The following CLVS1 variants were observed in gnomAD, a reference collection of about 807,000 sequenced individuals.
CLVS1 encodes clavesin-1.
A neutral mutation model predicts 33.1 loss-of-function variants in CLVS1; 10 were observed. That is an observed-to-expected ratio of 0.30 (90% CI 0.19 to 0.51). The LOEUF is 0.51. Among genes scored for constraint, CLVS1 ranks in the 20% least tolerant of loss-of-function variants. CLVS1 has a pLI of 0.97. For missense variants in CLVS1, 343 were observed against 433.4 expected, an observed-to-expected ratio of 0.79 and a Z score of 1.85; for synonymous variants, 163 against 166.1, an observed-to-expected ratio of 0.98 and a Z score of 0.14.
At position 61,218,859 on chromosome 8, in the gene CLVS1, G is replaced by A. The variant is rs148015075; in HGVS notation, c.-151-80818G>A. ...CTAGGGAGACTGAGGCAGGATAACC[G>A]CTTGAACCCGGGAGGTGGAGGCTGT... is the stretch of plus-strand genomic sequence containing the variant. On this transcript the variant is annotated intron_variant, in intron 2 of 2. Transcript: ENST00000522621. Among the ~76,000 whole-genome samples, 269 of 151,818 alleles carry A rather than the reference G, an allele frequency of 1.8e-3. 2 individuals are homozygous for A. Among genetic ancestry groups the A allele is most frequent in the African/African-American group, 5.3e-3 (221 of 41,406 alleles).
At chr8:61,021,389 C>T in the CLVS1 span, among the ~76,000 whole-genome samples, 6 of 152,236 alleles carry the variant, frequency 3.9e-5, no homozygotes, top group East Asian at 3.9e-4. Flanking sequence ...CCCGCCCTGT[C>T]GCCCAGGCTG....
At chr8:61,416,395 GA>G (rs1563543717) in intron 3 of CLVS1, among the ~76,000 whole-genome samples, 65 of 152,144 alleles carry the variant, frequency 4.3e-4, no homozygotes, top group Middle Eastern at 6.8e-3. Context: ...AATAGGTGGG[GA>G]AAATAATGAA....
At chr8:61,492,929 A>C (rs996342776) in intron 5 of CLVS1, among the ~76,000 whole-genome samples, 3 of 152,210 alleles carry the variant, frequency 2.0e-5, no homozygotes, top group Non-Finnish European at 4.4e-5. Flanking sequence ...GCTGAACAGA[A>C]GAATACATGT....
intron 5 of CLVS1, among the ~76,000 whole-genome samples, chr8:61,468,975 C>A (rs1012659900): frequency 2.0e-5 from 3 of 152,172 alleles, no homozygotes; most frequent in Non-Finnish European, 4.4e-5. Flanking sequence ...TGTGACACAG[C>A]AGCACAGCCA....
chr8:61,339,116 A>G (rs190058075), intron 2 of CLVS1, among the ~76,000 whole-genome samples: 191 of 152,162 alleles, frequency 1.3e-3, no homozygotes, highest in African/African-American at 4.0e-3. Context: ...CCAGGGCACT[A>G]TGCCTGCAGC....
chr8:61,005,891 C>CGAGGCGGGGGA, the CLVS1 span, among the ~76,000 whole-genome samples: 1 of 152,108 alleles, frequency 6.6e-6, no homozygotes, highest in East Asian at 1.9e-4. Flanking sequence ...GCACCCCAGC[C>CGAGGCGGGGGA]GAGGCGGGGG....
the CLVS1 span, among the ~76,000 whole-genome samples, chr8:60,998,045 A>T: frequency 6.6e-6 from 1 of 152,166 alleles, no homozygotes; most frequent in South Asian, 2.1e-4. Flanking sequence ...TAAGAAAAAC[A>T]GATGCACTGA....
chr8:61,269,232 A>T (rs1247957242), intron 2 of CLVS1, among the ~76,000 whole-genome samples: 2 of 152,084 alleles, frequency 1.3e-5, no homozygotes, highest in Non-Finnish European at 2.9e-5. Context: ...AGCTTTCCAC[A>T]TATGGCTAGC....
chr8:61,358,890 T>A (rs184839856), intron 2 of CLVS1, among the ~76,000 whole-genome samples: 1 of 152,314 alleles, frequency 6.6e-6, no homozygotes, highest in East Asian at 1.9e-4. Flanking sequence ...AAATGTATAT[T>A]TTTTCTGTTT....
chr8:61,005,020 C>T, the CLVS1 span, among the ~76,000 whole-genome samples: 5 of 152,174 alleles, frequency 3.3e-5, no homozygotes, highest in African/African-American at 1.2e-4. Context: ...AATGAAATGC[C>T]ATTTCATCCC....
chr8:61,154,333 C>T (rs1188418449), intron 2 of CLVS1, among the ~76,000 whole-genome samples: 1 of 151,900 alleles, frequency 6.6e-6, no homozygotes, highest in Non-Finnish European at 1.5e-5. Flanking sequence ...CTCTATTCAG[C>T]TACAAAATCA....
chr8:61,260,376 G>T (rs964784), intron 2 of CLVS1, among the ~76,000 whole-genome samples: 103,238 of 152,170 alleles, frequency 0.68, 37,577 homozygotes, highest in East Asian at 0.97. Flanking sequence ...AAACGGATGA[G>T]TAGTGATAAA....
the CLVS1 span, among the ~76,000 whole-genome samples, chr8:61,021,824 C>T: frequency 6.6e-6 from 1 of 151,964 alleles, no homozygotes; most frequent in African/African-American, 2.4e-5. Flanking sequence ...ACCCTGTCAC[C>T]CAAGTAGTGA....
intron 1 of CLVS1, among the ~76,000 whole-genome samples, chr8:61,070,559 G>A (rs1804774188): frequency 6.6e-6 from 1 of 152,226 alleles, no homozygotes; most frequent in African/African-American, 2.4e-5. Flanking sequence ...CAGAGGCCTG[G>A]CAGGGTGTGG....
intron 5 of CLVS1, among the ~76,000 whole-genome samples, chr8:61,467,701 G>C (rs75330533): frequency 0.025 from 3,759 of 152,298 alleles, 160 homozygotes; most frequent in African/African-American, 0.086. Flanking sequence ...AGAAAGTGGG[G>C]ATTTTAGGCT....
At chr8:61,352,871 A>T (rs1336706978) in intron 2 of CLVS1, among the ~76,000 whole-genome samples, 2 of 152,086 alleles carry the variant, frequency 1.3e-5, no homozygotes, top group Admixed American at 1.3e-4. Flanking sequence ...AGCATTAAGT[A>T]TTATAAGTAA....
chr8:61,206,639 A>G (rs1467480255), intron 2 of CLVS1, among the ~76,000 whole-genome samples: 1 of 141,138 alleles, frequency 7.1e-6, no homozygotes, highest in African/African-American at 2.7e-5. Flanking sequence ...CCCAGGCTGG[A>G]GTGCAGTGGC....
intron 2 of CLVS1, among the ~76,000 whole-genome samples, chr8:61,372,940 GC>G (rs982681852): frequency 1.3e-5 from 2 of 152,126 alleles, no homozygotes; most frequent in African/African-American, 4.8e-5. Flanking sequence ...GGATCACCTG[GC>G]TAAGGTAGTG....
At chr8:61,345,457 A>T (rs1260681587) in intron 2 of CLVS1, among the ~76,000 whole-genome samples, 4 of 152,194 alleles carry the variant, frequency 2.6e-5, no homozygotes. Context: ...AAGCTCACGG[A>T]TGCAGAGGAC....
Sources: gnomAD v4.1 joint callset for allele counts (sites outside exome capture counted in the v4.1 genomes callset) on GRCh38, gnomAD v4.1.1 for gene constraint, MANE v1.5 for transcripts, NCBI Gene and HGNC (gene_info 2026-07-23, HGNC 2026-07-21) for gene names.